Variants in ATP2B1 observed in about 807,000 individuals in gnomAD.
ATP2B1 encodes plasma membrane calcium-transporting ATPase 1.
In ATP2B1, 14 loss-of-function variants were observed where a neutral mutation model predicts 124.2. The observed-to-expected ratio is 0.11, with a 90% CI of 0.07 to 0.18. The LOEUF (loss-of-function observed/expected upper bound fraction) is 0.18, where lower values mean the gene tolerates loss of function less well. Among genes scored for constraint, ATP2B1 ranks in the 10% least tolerant of loss-of-function variants. The pLI, the probability that ATP2B1 is intolerant of heterozygous loss-of-function variation, is 1.00. For missense variants in ATP2B1, 763 were observed against 1,466.1 expected, an observed-to-expected ratio of 0.52 and a Z score of 7.83; for synonymous variants, 449 against 492.4, an observed-to-expected ratio of 0.91 and a Z score of 1.17.
chr12:89,694,904 A>G (rs1001634680), intron 1 of ATP2B1, among the ~76,000 whole-genome samples: 1 of 152,062 alleles, frequency 6.6e-6, no homozygotes, highest in African/African-American at 2.4e-5. Flanking sequence ...AAAAAGTACA[A>G]AAATTAGCCG....
At chr12:89,617,628 CTATT>C (rs1879214398) in intron 11 of ATP2B1, among the ~76,000 whole-genome samples, 1 of 151,980 alleles carries the variant, frequency 6.6e-6, no homozygotes, top group Non-Finnish European at 1.5e-5. Context: ...TACTATATAC[CTATT>C]TAAAGTTTGT....
At chr12:89,629,104 C>G (rs912110812) in intron 6 of ATP2B1, among the ~76,000 whole-genome samples, 1 of 152,118 alleles carries the variant, frequency 6.6e-6, no homozygotes, top group African/African-American at 2.4e-5. Context: ...GGAAAAGAAG[C>G]TTACTGGAAA....
chr12:89,646,081 TTTTG>T (rs1165367550), intron 2 of ATP2B1, among the ~76,000 whole-genome samples: 1 of 151,770 alleles, frequency 6.6e-6, no homozygotes, highest in Non-Finnish European at 1.5e-5. Flanking sequence ...GAAAGAATGT[TTTTG>T]TTTTTGTTTT....
chr12:89,616,102 T>C (rs1878911332), intron 12 of ATP2B1, among the ~76,000 whole-genome samples: 2 of 152,142 alleles, frequency 1.3e-5, no homozygotes, highest in Non-Finnish European at 2.9e-5. Flanking sequence ...TGGGTTGCAA[T>C]AATCACGTGT....
At chr12:89,634,597 A>G (rs1882391649) in intron 5 of ATP2B1, among the ~76,000 whole-genome samples, 181 bp downstream of exon 5, 1 of 152,190 alleles carries the variant, frequency 6.6e-6, no homozygotes, top group Admixed American at 6.5e-5. Flanking sequence ...CTCTGCATTC[A>G]AAGTTTTCTA....
chr12:89,634,884 G>A lies in ATP2B1; in HGVS notation c.681C>T (p.Asp227=), dbSNP rs145162015. The change falls in exon 5 of 21, where the codon GAC becomes GAT. Residue 227 remains aspartate (D), a synonymous_variant. Coordinates refer to ENST00000428670, the MANE Select transcript of ATP2B1 (RefSeq NM_001366521.1). The stretch of plus-strand genomic sequence containing the variant: ...GATCGTTGCCTTGAATAAGTATGCC[G>A]TCAGCTGGAAGAAGATCACCTAAAA... The part of the protein sequence containing the change: ...QVKYGDLLPA[D]GILIQGNDLK... 1.8e-5 allele frequency: 29 copies of A among 1,612,600 alleles called. No individual in the cohort carries two copies. Among genetic ancestry groups the A allele is most frequent in the Middle Eastern group, 1.6e-4 (1 of 6,074 alleles).
rs1873540983 is a variant in ATP2B1 at position 89,591,420 on chromosome 12, G to A, written c.3352-125C>T. On this transcript the variant is annotated intron_variant, in intron 20 of 20. Coordinates refer to ENST00000428670, the MANE Select transcript of ATP2B1 (RefSeq NM_001366521.1). ...GAATCATATTTGCATGTAATGCAGT[G>A]GAACTTGCAATACACTGTAAAAAAA... is the stretch of plus-strand genomic sequence containing the variant. 7.6e-6 allele frequency: 6 copies of A among 785,262 alleles called. No homozygotes were observed. The East Asian group carries it at 1.6e-4, about 21-fold the overall frequency. The allele number at this position is 785,262 out of a possible 1,614,324, so 48.6% of individuals were successfully genotyped here.
intron 3 of ATP2B1, chr12:89,641,714 G>A (rs1392509848): frequency 6.5e-6 from 1 of 154,316 alleles, no homozygotes; most frequent in Admixed American, 6.4e-5. Flanking sequence ...TATCCAAATG[G>A]TGTACATAGC....
intron 1 of ATP2B1, among the ~76,000 whole-genome samples, chr12:89,697,690 T>TAA (rs1555209911): frequency 1.0e-5 from 1 of 95,578 alleles, no homozygotes; most frequent in Non-Finnish European, 2.2e-5. Flanking sequence ...TTTTTTTTTT[T>TAA]AAATATTAGC....
At chr12:89,659,669 T>C (rs1371816707) in intron 1 of ATP2B1, among the ~76,000 whole-genome samples, 2 of 152,098 alleles carry the variant, frequency 1.3e-5, no homozygotes, top group Non-Finnish European at 2.9e-5. Context: ...ATGCCTGTAA[T>C]CCCAGCACTT....
chr12:89,630,728 T>G (rs1159088922), intron 5 of ATP2B1, 83 bp from the exon 6 acceptor site: 2 of 853,708 alleles, frequency 2.3e-6, no homozygotes, highest in East Asian at 6.1e-5. Flanking sequence ...AGTAATATTG[T>G]TTTTAACAGC....
At chr12:89,632,141 CTT>C (rs35538303) in intron 5 of ATP2B1, among the ~76,000 whole-genome samples, 12 of 147,630 alleles carry the variant, frequency 8.1e-5, no homozygotes, top group Non-Finnish European at 1.5e-4. Context: ...TTTAAAGCAA[CTT>C]TTTTTTTTTT....
chr12:89,604,861 CCT>C (rs765367394), intron 15 of ATP2B1, among the ~76,000 whole-genome samples: 109 of 143,556 alleles, frequency 7.6e-4, no homozygotes, highest in Admixed American at 2.7e-3. Context: ...ACAGAACCCC[CCT>C]GTCAGCTCCA....
At chr12:89,653,827 A>G (rs542711303) in intron 2 of ATP2B1, among the ~76,000 whole-genome samples, 36 of 152,320 alleles carry the variant, frequency 2.4e-4, no homozygotes, top group African/African-American at 8.7e-4. Flanking sequence ...TCATGTCTAT[A>G]AAAATGAGAA....
intron 1 of ATP2B1, among the ~76,000 whole-genome samples, chr12:89,683,690 T>C (rs974532044): frequency 6.6e-6 from 1 of 152,208 alleles, no homozygotes; most frequent in Non-Finnish European, 1.5e-5. Context: ...CCCAAATTTC[T>C]GACTGAGGAT....
intron 1 of ATP2B1, among the ~76,000 whole-genome samples, chr12:89,660,676 TA>T (rs1363997795): frequency 6.6e-6 from 1 of 152,196 alleles, no homozygotes; most frequent in Non-Finnish European, 1.5e-5. Flanking sequence ...CACATCTTAT[TA>T]AATGTGTAAA....
At chr12:89,683,630 A>G (rs1052111512) in intron 1 of ATP2B1, among the ~76,000 whole-genome samples, 4 of 152,132 alleles carry the variant, frequency 2.6e-5, no homozygotes, top group Admixed American at 2.6e-4. Context: ...TTTTCCCATG[A>G]AAGTTCCAGA....
chr12:89,589,609 CA>C lies in ATP2B1; in HGVS notation c.*1374del, dbSNP rs1212283794. ...AAACTAAATTCAATGAAGAGTATGT[CA>C]AATGGTAAAATTGTGTTAATTTTCT... is the stretch of plus-strand genomic sequence containing the variant. On this transcript the variant is annotated 3_prime_UTR_variant, in exon 21 of 21. Coordinates refer to ENST00000428670, the MANE Select transcript of ATP2B1 (RefSeq NM_001366521.1). The C allele has an allele frequency of 6.6e-6, 1 of 151,906 alleles. No homozygotes were observed. The highest frequency in any genetic ancestry group is 1.5e-5 in the Non-Finnish European group (1 of 67,938). 9.4% of individuals were successfully genotyped at this position (151,906 alleles called of 1,614,324 possible).
At chr12:89,688,946 C>T (rs1211702857) in intron 1 of ATP2B1, among the ~76,000 whole-genome samples, 1 of 151,886 alleles carries the variant, frequency 6.6e-6, no homozygotes, top group African/African-American at 2.4e-5. Flanking sequence ...GTTCCTTTAC[C>T]AAAAAATACA....
Sources: allele counts gnomAD v4.1 joint callset (sites outside exome capture counted in the v4.1 genomes callset), GRCh38; gene constraint gnomAD v4.1.1; transcripts MANE v1.5; gene names NCBI Gene and HGNC (gene_info 2026-07-23, HGNC 2026-07-21).